FBN2: variants seen among roughly 807,000 people sequenced by gnomAD.
The protein encoded by FBN2 is fibrillin 2.
A neutral mutation model predicts 355.6 loss-of-function variants in FBN2; 105 were observed. The ratio of observed to expected loss-of-function variants is 0.30; its 90% CI spans 0.25 to 0.35. The LOEUF (loss-of-function observed/expected upper bound fraction) is 0.35, where lower values mean the gene tolerates loss of function less well. Ranked by LOEUF, FBN2 falls within the 10% of genes least tolerant of loss-of-function variation. The pLI is 1.00. For missense variants in FBN2, 3,280 were observed against 3,758.7 expected, an observed-to-expected ratio of 0.87 and a Z score of 3.33; for synonymous variants, 1,350 against 1,301.2, an observed-to-expected ratio of 1.04 and a Z score of -0.81.
intron 55 of FBN2, among the ~76,000 whole-genome samples, chr5:128,283,613 G>T (rs1175164471): frequency 6.6e-6 from 1 of 152,104 alleles, no homozygotes; most frequent in Non-Finnish European, 1.5e-5. Flanking sequence ...TACTCTCCAG[G>T]ATCTCTCTCT....
At chr5:128,261,487 C>A (rs1458141258) in intron 64 of FBN2, among the ~76,000 whole-genome samples, 5 of 152,162 alleles carry the variant, frequency 3.3e-5, no homozygotes, top group Admixed American at 3.3e-4. Flanking sequence ...CCACATAAAT[C>A]AAAAACTACA....
chr5:128,537,568 G>A lies in FBN2; in HGVS notation c.36C>T (p.Tyr12=), dbSNP rs1581380471. 1.2e-6 allele frequency: 2 copies of A among 1,605,654 alleles called. No homozygotes were observed. Among genetic ancestry groups the A allele is most frequent in the Non-Finnish European group, 1.7e-6 (2 of 1,177,474 alleles). Residue 12 remains tyrosine, a synonymous_variant, in exon 1 of 65, where the codon TAC becomes TAT. Coordinates refer to ENST00000262464, the MANE Select transcript of FBN2 (RefSeq NM_001999.4). Reference sequence around the variant, plus strand: ...GCACCACACAGCCCAGCCACAGGAAGTAGAGCTGGAGACACAGCCTCCGTC... The same window carrying A: ...GCACCACACAGCCCAGCCACAGGAAATAGAGCTGGAGACACAGCCTCCGTC... ...GRRRRLCLQL[Y]FLWLGCVVLW... is the part of the protein sequence containing the mutation.
At chr5:128,362,676 G>A (rs1220008251) in intron 18 of FBN2, among the ~76,000 whole-genome samples, 1 of 152,120 alleles carries the variant, frequency 6.6e-6, no homozygotes, top group Non-Finnish European at 1.5e-5. Context: ...TGTTGCCCAG[G>A]CTGTTCTGGA....
At chr5:128,357,191 T>G (rs1369304010) in intron 20 of FBN2, 85 bp downstream of exon 20, 2 of 1,542,372 alleles carry the variant, frequency 1.3e-6, no homozygotes, top group African/African-American at 2.7e-5. Flanking sequence ...TGGAATCATA[T>G]TCTGTTTTTA....
chr5:128,374,280 G>C (rs1752024396), intron 15 of FBN2, among the ~76,000 whole-genome samples: 1 of 152,052 alleles, frequency 6.6e-6, no homozygotes, highest in South Asian at 2.1e-4. Flanking sequence ...CATATTTACA[G>C]ATGTGTTCAT....
At chr5:128,378,916 TAG>T in intron 11 of FBN2, 26 bp from the exon 12 acceptor site, 2 of 1,612,310 alleles carry the variant, frequency 1.2e-6, no homozygotes, top group Non-Finnish European at 1.7e-6. Context: ...GAAACCATTA[TAG>T]ACTTCACTCC....
At chr5:128,334,573 C>A in intron 31 of FBN2, 146 bp downstream of exon 31, 1 of 889,946 alleles carries the variant, frequency 1.1e-6, no homozygotes, top group East Asian at 2.5e-5. Flanking sequence ...CATCACACAT[C>A]CTATAGGTCA....
intron 20 of FBN2, among the ~76,000 whole-genome samples, chr5:128,355,516 A>C (rs892817613): frequency 3.3e-5 from 5 of 152,216 alleles, no homozygotes; most frequent in African/African-American, 4.8e-5. Flanking sequence ...ATTCATATAT[A>C]ATCTAATGTA....
At chr5:128,376,045 T>C (rs993809126) in intron 14 of FBN2, among the ~76,000 whole-genome samples, 1 of 151,900 alleles carries the variant, frequency 6.6e-6, no homozygotes, top group Non-Finnish European at 1.5e-5. Context: ...CAAAAATAAA[T>C]AAATTTAAAA....
chr5:128,523,886 C>A lies in FBN2; in HGVS notation c.532+3986G>T, dbSNP rs1756499503. 2.0e-5 allele frequency among the ~76,000 whole-genome samples: 3 copies of A among 152,102 alleles called. No homozygotes were observed. The South Asian group carries it at 6.2e-4, about 32-fold the overall frequency. ...GCGACTACAGCTGCAGCATTGTTCA[C>A]TAGCACCACTGTGGTAGCCTCCTAC... On this transcript the variant is annotated intron_variant, in intron 4 of 64. Coordinates refer to ENST00000262464, the MANE Select transcript of FBN2 (RefSeq NM_001999.4).
intron 5 of FBN2, among the ~76,000 whole-genome samples, chr5:128,496,756 T>G (rs1349376696): frequency 6.6e-6 from 1 of 151,786 alleles, no homozygotes; most frequent in South Asian, 2.1e-4. Flanking sequence ...TCATGTATAT[T>G]ATAAAATATA....
chr5:128,290,695 T>A (rs1474824966), intron 50 of FBN2, 37 bp downstream of exon 50: 4 of 1,607,814 alleles, frequency 2.5e-6, no homozygotes, highest in Non-Finnish European at 3.4e-6. Flanking sequence ...CAAAAACTGG[T>A]ACACAAAGTG....
chr5:128,267,667 T>G (rs1765151815), intron 62 of FBN2, among the ~76,000 whole-genome samples: 1 of 151,994 alleles, frequency 6.6e-6, no homozygotes, highest in African/African-American at 2.4e-5. Flanking sequence ...TTGATAGGGT[T>G]TTTGTATTTT....
intron 16 of FBN2, among the ~76,000 whole-genome samples, chr5:128,367,089 T>A (rs1751792086): frequency 6.6e-6 from 1 of 152,164 alleles, no homozygotes; most frequent in Admixed American, 6.5e-5. Flanking sequence ...CTGGTGAAAT[T>A]AGGTTTGTCC....
intron 2 of FBN2, 151 bp from the exon 3 acceptor site, chr5:128,530,844 A>G: frequency 1.6e-6 from 1 of 638,378 alleles, no homozygotes; most frequent in Non-Finnish European, 2.8e-6. Context: ...CAATAAAATT[A>G]CCCATTGCAG....
intron 7 of FBN2, among the ~76,000 whole-genome samples, chr5:128,425,351 T>G (rs1753457940): frequency 6.6e-6 from 1 of 152,148 alleles, no homozygotes; most frequent in African/African-American, 2.4e-5. Context: ...GAATTTAAAT[T>G]GAAAGACTCC....
At chr5:128,300,354 C>T (rs891295593) in intron 48 of FBN2, among the ~76,000 whole-genome samples, 26 of 152,198 alleles carry the variant, frequency 1.7e-4, no homozygotes, top group Admixed American at 1.3e-4. Flanking sequence ...AGAAAAACAT[C>T]TGTTATGACA....
rs35768962 is a variant in FBN2 at position 128,444,054 on chromosome 5, C to CTTTTTT, written c.952+2421_952+2426dup. ...TTTATATAAGCAAATATCACTTGTT[C>CTTTTTT]TTTTTTTTTTTTTTTTTTTTTTTTT... On this transcript the variant is annotated intron_variant, in intron 7 of 64. Coordinates refer to ENST00000262464, the MANE Select transcript of FBN2 (RefSeq NM_001999.4). Among the ~76,000 whole-genome samples, 611 of 65,636 alleles carry CTTTTTT rather than the reference C, an allele frequency of 9.3e-3. 13 individuals are homozygous for CTTTTTT. Among genetic ancestry groups the CTTTTTT allele is most frequent in the East Asian group, 0.011 (20 of 1,804 alleles). The allele number at this position is 65,636 out of a possible 152,430, so 43.1% of individuals were successfully genotyped here. A position where few individuals can be genotyped will look rare whatever the true frequency, so the allele number is the denominator to read the frequency against.
Position 128,313,829 on chromosome 5 carries a change from G to A in FBN2, c.4718-1034C>T, listed in dbSNP as rs867644181. ...GATCACGCCACTGCACTCCAGCCTGGGCAACAGAGCGAGACTCTGTCTCAA... is the reference window on the plus strand; with the variant it reads ...GATCACGCCACTGCACTCCAGCCTGAGCAACAGAGCGAGACTCTGTCTCAA... On this transcript the variant is annotated intron_variant, in intron 36 of 64. Coordinates refer to ENST00000262464, the MANE Select transcript of FBN2 (RefSeq NM_001999.4). 5.8e-5 allele frequency among the ~76,000 whole-genome samples: 8 copies of A among 138,018 alleles called. No homozygotes were observed. In the Middle Eastern group the frequency reaches 0.025, roughly 423 times the overall value. The allele number at this position is 138,018 out of a possible 152,430, so 90.5% of individuals were successfully genotyped here. A position where few individuals can be genotyped will look rare whatever the true frequency, so the allele number is the denominator to read the frequency against.
Sources: gnomAD v4.1 joint callset for allele counts (sites outside exome capture counted in the v4.1 genomes callset) on GRCh38, gnomAD v4.1.1 for gene constraint, MANE v1.5 for transcripts, NCBI Gene and HGNC (gene_info 2026-07-23, HGNC 2026-07-21) for gene names.